RPL39L: variants seen among roughly 807,000 people sequenced by gnomAD.
RPL39L encodes ribosomal protein eL39-like 2.
For missense variants in RPL39L, 48 were observed against 58.9 expected, an observed-to-expected ratio of 0.81 and a Z score of 0.61; for synonymous variants, 16 against 20.1, an observed-to-expected ratio of 0.80 and a Z score of 0.55.
intron 2 of RPL39L, among the ~76,000 whole-genome samples, chr3:187,122,971 A>G (rs974388857): frequency 1.3e-5 from 2 of 152,240 alleles, no homozygotes; most frequent in African/African-American, 4.8e-5. Flanking sequence ...CTCAATAGAA[A>G]TACCTATTAG....
At chr3:187,123,906 C>T (rs1278953573) in intron 2 of RPL39L, among the ~76,000 whole-genome samples, 1 of 152,182 alleles carries the variant, frequency 6.6e-6, no homozygotes, top group Admixed American at 6.5e-5. Flanking sequence ...TGACATACAG[C>T]TCTTAGCTAG....
intron 2 of RPL39L, among the ~76,000 whole-genome samples, chr3:187,124,721 A>T (rs967007199): frequency 6.6e-6 from 1 of 152,196 alleles, no homozygotes; most frequent in African/African-American, 2.4e-5. Flanking sequence ...TCATTCTTCT[A>T]CTTACTGGAT....
At chr3:187,135,894 C>G (rs553042276) in intron 1 of RPL39L, among the ~76,000 whole-genome samples, 4 of 152,174 alleles carry the variant, frequency 2.6e-5, no homozygotes. Context: ...GCAGGCATGC[C>G]GCATGGCGAG....
chr3:187,124,387 T>C (rs1373502253), intron 2 of RPL39L, among the ~76,000 whole-genome samples: 1 of 152,188 alleles, frequency 6.6e-6, no homozygotes, highest in East Asian at 1.9e-4. Flanking sequence ...TAAGTGATCA[T>C]AAATGGAAGG....
In RPL39L at chr3:187,132,808, G is replaced by C. The variant is rs138323314; in HGVS notation, c.-92-4746C>G. On this transcript the variant is annotated intron_variant, in intron 1 of 2. Transcript: ENST00000296277. Reference sequence around the variant, plus strand: ...GACCAACTGGACTTTCCCAGTATGAGAACTAAAAGTCCCATATCCTGGGAA... The same window carrying C: ...GACCAACTGGACTTTCCCAGTATGACAACTAAAAGTCCCATATCCTGGGAA... Among the ~76,000 whole-genome samples, 335 of 152,268 alleles carry C rather than the reference G, an allele frequency of 2.2e-3. 2 individuals are homozygous for C. Among genetic ancestry groups the C allele is most frequent in the African/African-American group, 7.4e-3 (308 of 41,550 alleles).
At chr3:187,137,260 C>T (rs1489342792) in intron 1 of RPL39L, among the ~76,000 whole-genome samples, 1 of 147,244 alleles carries the variant, frequency 6.8e-6, no homozygotes, top group African/African-American at 2.5e-5. Flanking sequence ...GTAATCCCAG[C>T]ATTTTGGGAG....
At chr3:187,127,129 G>A (rs1579411370) in intron 2 of RPL39L, among the ~76,000 whole-genome samples, 1 of 152,242 alleles carries the variant, frequency 6.6e-6, no homozygotes, top group East Asian at 1.9e-4. Context: ...CAGCATATAA[G>A]AAAATTGGAA....
intron 1 of RPL39L, among the ~76,000 whole-genome samples, chr3:187,138,337 G>A (rs990636162): frequency 6.6e-6 from 1 of 152,170 alleles, no homozygotes; most frequent in African/African-American, 2.4e-5. Context: ...CTATGTGACT[G>A]CACGGGTGGG....
intron 1 of RPL39L, among the ~76,000 whole-genome samples, chr3:187,132,752 T>C (rs192437208): frequency 6.6e-4 from 100 of 152,322 alleles, no homozygotes; most frequent in African/African-American, 2.3e-3. Context: ...GAAATAATTT[T>C]TCCTGAAACT....
chr3:187,135,901 C>A (rs151225206), intron 1 of RPL39L, among the ~76,000 whole-genome samples: 1 of 152,202 alleles, frequency 6.6e-6, no homozygotes, highest in Admixed American at 6.5e-5. Context: ...TGCCGCATGG[C>A]GAGAGACAGA....
intron 2 of RPL39L, among the ~76,000 whole-genome samples, chr3:187,122,301 G>A (rs889163998): frequency 2.6e-5 from 4 of 152,188 alleles, no homozygotes; most frequent in African/African-American, 2.4e-5. Flanking sequence ...ATCTCAGATT[G>A]TGAGAGTAAT....
At chr3:187,130,649 C>T (rs1014466225) in intron 1 of RPL39L, among the ~76,000 whole-genome samples, 1 of 152,196 alleles carries the variant, frequency 6.6e-6, no homozygotes, top group African/African-American at 2.4e-5. Context: ...TCTGTAGAAA[C>T]ATAAGCCAAT....
chr3:187,133,635 C>T (rs138411328), intron 1 of RPL39L, among the ~76,000 whole-genome samples: 241 of 152,074 alleles, frequency 1.6e-3, no homozygotes, highest in Middle Eastern at 0.014. Context: ...AGTCTTCTGG[C>T]GTCCTCTACC....
At chr3:187,137,224 A>AAAAAGG (rs1720595748) in intron 1 of RPL39L, among the ~76,000 whole-genome samples, 1 of 142,886 alleles carries the variant, frequency 7.0e-6, no homozygotes, top group Non-Finnish European at 1.5e-5. Context: ...AAAAAAAAAA[A>AAAAAGG]GTGTCAGGTG....
At chr3:187,129,461 A>G (rs2108468859) in intron 1 of RPL39L, among the ~76,000 whole-genome samples, 1 of 152,350 alleles carries the variant, frequency 6.6e-6, no homozygotes. Flanking sequence ...GCCTCGGAAT[A>G]GAGCTGATCT....
chr3:187,136,019 C>T (rs1348752978), intron 1 of RPL39L, among the ~76,000 whole-genome samples: 1 of 152,232 alleles, frequency 6.6e-6, no homozygotes, highest in Non-Finnish European at 1.5e-5. Flanking sequence ...ATTAGGACTG[C>T]ATCCAGTACA....
intron 1 of RPL39L, among the ~76,000 whole-genome samples, chr3:187,132,312 A>C (rs546851821): frequency 7.9e-5 from 12 of 152,354 alleles, no homozygotes; most frequent in African/African-American, 2.9e-4. Context: ...CTTTGACAAG[A>C]GAGAATACAG....
rs1720645344 is a variant in RPL39L, at chr3:187,139,277, G to A, written c.-157C>T. Reference sequence around the variant, plus strand: ...AAATCTCGATCTGCAAGGGCCTGGGGCGCGGGCGGAAAAGGCGGGCCCAGC... The same window carrying A: ...AAATCTCGATCTGCAAGGGCCTGGGACGCGGGCGGAAAAGGCGGGCCCAGC... On this transcript the variant is annotated 5_prime_UTR_variant, in exon 1 of 3. Coordinates refer to ENST00000296277, the MANE Select transcript of RPL39L (RefSeq NM_052969.3). The A allele has an allele frequency of 6.6e-6, 1 of 152,314 alleles. No individual in the cohort carries two copies. The highest frequency in any genetic ancestry group is 2.4e-5 in the African/African-American group (1 of 41,448). 9.4% of individuals were successfully genotyped at this position (152,314 alleles called of 1,614,324 possible).
Position 187,121,129 on chromosome 3 carries a change from T to C in RPL39L, c.*16A>G, listed in dbSNP as rs745401454. 1 of 1,612,570 alleles carries C rather than the reference T, an allele frequency of 6.2e-7. No homozygotes were observed. Among genetic ancestry groups the C allele is most frequent in the Non-Finnish European group, 8.5e-7 (1 of 1,179,526 alleles). On this transcript the variant is annotated 3_prime_UTR_variant, in exon 3 of 3. Transcript: ENST00000296277. ...TGATACAGCATAAATATGTGTGCCATCTCATGTGCAATTCCTTATAGACCC... is the reference window on the plus strand; with the variant it reads ...TGATACAGCATAAATATGTGTGCCACCTCATGTGCAATTCCTTATAGACCC...
Sources: allele counts gnomAD v4.1 joint callset (sites outside exome capture counted in the v4.1 genomes callset), GRCh38; gene constraint gnomAD v4.1.1; transcripts MANE v1.5; gene names NCBI Gene and HGNC (gene_info 2026-07-23, HGNC 2026-07-21).